The following SLC28A1 variants were observed in gnomAD, a reference collection of about 807,000 sequenced individuals.
SLC28A1 encodes the protein solute carrier family 28 member 1.
Under a neutral mutation model 74.8 loss-of-function variants are expected in SLC28A1, and 64 were observed. That is an observed-to-expected ratio of 0.86 (90% CI 0.70 to 1.05). SLC28A1 has a LOEUF of 1.05. SLC28A1 is among the 50% of genes least tolerant of loss of function. The pLI, the probability that SLC28A1 is intolerant of heterozygous loss-of-function variation, is 0.00. For missense variants in SLC28A1, 828 were observed against 822.8 expected, an observed-to-expected ratio of 1.01 and a Z score of -0.08; for synonymous variants, 359 against 335.0, an observed-to-expected ratio of 1.07 and a Z score of -0.78.
intron 5 of SLC28A1, 95 bp from the exon 6 acceptor site, chr15:84,894,845 T>C (rs1231148806): frequency 8.0e-7 from 1 of 1,247,026 alleles, no homozygotes; most frequent in East Asian, 2.3e-5. Flanking sequence ...CCCTCCACGC[T>C]CTGGGTGGAG....
At chr15:84,963,697 C>A in the SLC28A1 span, among the ~76,000 whole-genome samples, 3,868 of 152,268 alleles carry the variant, frequency 0.025, 74 homozygotes, top group Middle Eastern at 0.065. Context: ...CAGGATGAGA[C>A]CTGGACAGCA....
intron 5 of SLC28A1, 117 bp downstream of exon 5, chr15:84,890,651 C>T: frequency 3.5e-6 from 3 of 859,578 alleles, no homozygotes. Context: ...TGAGCACCAA[C>T]TCAGGTCCAG....
At chr15:84,969,864 G>A in the SLC28A1 span, among the ~76,000 whole-genome samples, 21 of 152,162 alleles carry the variant, frequency 1.4e-4, no homozygotes, top group Admixed American at 1.4e-3. Flanking sequence ...CTCTCTCGTC[G>A]AGCCTTGATT....
At chr15:84,964,085 A>G in the SLC28A1 span, among the ~76,000 whole-genome samples, 1 of 152,208 alleles carries the variant, frequency 6.6e-6, no homozygotes, top group Admixed American at 6.5e-5. Context: ...TGGACCTCCC[A>G]CAGCACCCTG....
At chr15:84,928,931 C>T (rs1180138478) in intron 12 of SLC28A1, among the ~76,000 whole-genome samples, 3 of 151,962 alleles carry the variant, frequency 2.0e-5, no homozygotes, top group Non-Finnish European at 2.9e-5. Flanking sequence ...CCTCCAAGCT[C>T]CCAGATTCTT....
rs1333178257 is a variant in SLC28A1, at chr15:84,904,092, T to G, written c.462-5T>G. ...GGGTAATGGCTTTCTGTCTCTTGCC[T>G]GCAGGGGTCTAGCTCTTGCTGCTTT... On this transcript the variant is annotated splice_polypyrimidine_tract_variant and splice_region_variant and intron_variant, in intron 6 of 18. Transcript: ENST00000394573. 2 of 1,614,086 alleles carry G rather than the reference T, an allele frequency of 1.2e-6. No homozygotes were observed. Among genetic ancestry groups the G allele is most frequent in the Non-Finnish European group, 1.7e-6 (2 of 1,180,040 alleles).
downstream of SLC28A1, among the ~76,000 whole-genome samples, chr15:84,947,781 A>AC (rs954770043): frequency 4.0e-5 from 6 of 151,248 alleles, no homozygotes; most frequent in East Asian, 1.9e-4. Flanking sequence ...CCTCCCAAAG[A>AC]CCCCCCCTCC....
At position 84,904,228 on chromosome 15, in the gene SLC28A1, A is replaced by G. The variant is rs984433006; in HGVS notation, c.593A>G (p.His198Arg). 13 of 1,613,876 alleles carry G rather than the reference A, an allele frequency of 8.1e-6. No homozygotes were observed. The highest frequency in any genetic ancestry group is 1.3e-5 in the African/African-American group (1 of 74,930). The change falls in exon 7 of 19, where the codon CAT becomes CGT. Residue 198 changes from histidine to arginine, a missense_variant. Coordinates refer to ENST00000394573, the MANE Select transcript of SLC28A1 (RefSeq NM_004213.5). ...GCTCTCCTCTTTGCCTGCTCAAAGC[A>G]TCATTGCGCAGTGAGTGCTAGTTGT... ...FVALLFACSKHHCAVSWRAVS... is the reference protein window; with the variant it reads ...FVALLFACSKRHCAVSWRAVS...
Position 84,888,837 on chromosome 15 carries a change from GGC to G in SLC28A1, c.165_166del (p.Pro56GlufsTer97). 1 of 1,553,146 alleles carries G rather than the reference GGC, an allele frequency of 6.4e-7. No individual in the cohort carries two copies. The highest frequency in any genetic ancestry group is 1.2e-5 in the South Asian group (1 of 84,122). On this transcript the variant is annotated frameshift_variant, in exon 4 of 19. Transcript: ENST00000394573. LOFTEE classifies it high-confidence loss of function. ...AEIRSSWSEA[A>X]PKPFSRWRNL... ...AGATCAGGAGCAGCTGGAGCGAGGC[GGC>G]GCCGAAGCCCTTCTCCAGATGGTAG... is the stretch of plus-strand genomic sequence containing the variant.
intron 6 of SLC28A1, among the ~76,000 whole-genome samples, chr15:84,899,571 A>T (rs1966376866): frequency 1.3e-5 from 2 of 152,228 alleles, no homozygotes; most frequent in Admixed American, 1.3e-4. Context: ...CTTGTCAAAA[A>T]TGAGTGAGAA....
chr15:84,914,149 T>C (rs922802230), intron 9 of SLC28A1, among the ~76,000 whole-genome samples: 1 of 152,122 alleles, frequency 6.6e-6, no homozygotes, highest in African/African-American at 2.4e-5. Context: ...AGGGTCTCAC[T>C]ATATTGCCGA....
chr15:84,929,684 T>G (rs1366189262), intron 12 of SLC28A1, among the ~76,000 whole-genome samples: 1 of 152,012 alleles, frequency 6.6e-6, no homozygotes, highest in African/African-American at 2.4e-5. Context: ...GAGACCCCTA[T>G]CTCCACAAAA....
intron 16 of SLC28A1, 40 bp from the exon 17 acceptor site, chr15:84,944,526 C>A: frequency 7.0e-7 from 1 of 1,436,946 alleles, no homozygotes; most frequent in Non-Finnish European, 9.8e-7. Flanking sequence ...CAGAGAGGGA[C>A]ACAGCTTCCC....
At chr15:84,933,014 A>G in intron 12 of SLC28A1, 131 bp from the exon 13 acceptor site, 5 of 840,080 alleles carry the variant, frequency 6.0e-6, no homozygotes, top group Non-Finnish European at 8.1e-6. Context: ...TAGTGATGAC[A>G]GCAGTTATGA....
Position 84,894,924 on chromosome 15 carries a change from C to T in SLC28A1, c.278-16C>T. 1 of 1,613,790 alleles carries T rather than the reference C, an allele frequency of 6.2e-7. No individual in the cohort carries two copies. Among genetic ancestry groups the T allele is most frequent in the Non-Finnish European group, 8.5e-7 (1 of 1,179,814 alleles). On this transcript the variant is annotated splice_polypyrimidine_tract_variant and intron_variant, in intron 5 of 18. Transcript: ENST00000394573. The stretch of plus-strand genomic sequence containing the variant: ...GGTGTCCTGGCTGTTGACCCCTCCT[C>T]TGTCTCATCCCCCAGGGCTCTCTGC...
At chr15:84,918,241 C>A (rs1412540241) in intron 9 of SLC28A1, among the ~76,000 whole-genome samples, 2 of 152,030 alleles carry the variant, frequency 1.3e-5, no homozygotes, top group Admixed American at 1.3e-4. Flanking sequence ...CAGGCCCCAC[C>A]CTACCACAGC....
intron 10 of SLC28A1, among the ~76,000 whole-genome samples, chr15:84,919,727 T>C (rs1969570359): frequency 6.6e-6 from 1 of 152,218 alleles, no homozygotes; most frequent in Non-Finnish European, 1.5e-5. Flanking sequence ...AGAGCCTTCA[T>C]GCCCTAATCA....
At chr15:84,920,043 G>A (rs1022053935) in intron 10 of SLC28A1, among the ~76,000 whole-genome samples, 2 of 152,164 alleles carry the variant, frequency 1.3e-5, no homozygotes, top group South Asian at 2.1e-4. Flanking sequence ...AGTTAGGGGA[G>A]GATAGCTGTC....
downstream of SLC28A1, among the ~76,000 whole-genome samples, chr15:84,946,112 ATTTTTTT>A (rs1165709632): frequency 7.4e-5 from 1 of 13,476 alleles, no homozygotes; most frequent in African/African-American, 3.3e-4. Context: ...ATATATATAT[ATTTTTTT>A]TTTTTTTTTT....
Sources: allele counts gnomAD v4.1 joint callset (sites outside exome capture counted in the v4.1 genomes callset), GRCh38; gene constraint gnomAD v4.1.1; transcripts MANE v1.5; gene names NCBI Gene and HGNC (gene_info 2026-07-23, HGNC 2026-07-21).